HSPA4: variants seen among roughly 807,000 people sequenced by gnomAD.
The protein encoded by HSPA4 is heat shock protein family A (Hsp70) member 4, also known as heat shock 70 kDa protein 4.
Under a neutral mutation model 106.2 loss-of-function variants are expected in HSPA4, and 25 were observed. That is an observed-to-expected ratio of 0.24 (90% CI 0.17 to 0.33). The LOEUF (loss-of-function observed/expected upper bound fraction) is 0.33. HSPA4 is among the 10% of genes least tolerant of loss of function. The probability of loss-of-function intolerance (pLI) is 1.00; values close to 1 mark genes in which losing one functional copy is unlikely to be tolerated. For synonymous variants in HSPA4, 332 were observed against 333.6 expected, an observed-to-expected ratio of 1.00 and a Z score of 0.05; for missense variants, 841 against 996.0, an observed-to-expected ratio of 0.84 and a Z score of 2.10.
intron 1 of HSPA4, among the ~76,000 whole-genome samples, chr5:133,061,113 G>C (rs1423013262): frequency 6.7e-6 from 1 of 149,848 alleles, no homozygotes; most frequent in Admixed American, 6.6e-5. Context: ...GTGCATACAT[G>C]TGTTTTCTTT....
chr5:133,087,829 G>A (rs1481586876), intron 8 of HSPA4, among the ~76,000 whole-genome samples: 1 of 152,006 alleles, frequency 6.6e-6, no homozygotes, highest in African/African-American at 2.4e-5. Flanking sequence ...TTACCATGTT[G>A]GTCAGGCTGG....
At chr5:133,080,025 T>C (rs906780971) in intron 7 of HSPA4, among the ~76,000 whole-genome samples, 12 of 152,250 alleles carry the variant, frequency 7.9e-5, no homozygotes, top group African/African-American at 1.4e-4. Context: ...TCTTTTGGTG[T>C]ATAATATTGC....
At chr5:133,073,151 G>T (rs528042171) in intron 4 of HSPA4, 79 bp from the exon 5 acceptor site, 2 of 783,046 alleles carry the variant, frequency 2.6e-6, no homozygotes, top group Admixed American at 2.4e-5. Context: ...ATTGCTGTAG[G>T]TATTTGATGG....
rs1765722789 is a variant in HSPA4 at position 133,097,166 on chromosome 5, G to A, written c.1809G>A (p.Lys603=). ...TACATAATATTTATTCTCAGGGTAA[G>A]ATGATCATGCAGGATAAACTGGAGA... ...MLNLYIENEG[K]MIMQDKLEKE... The change falls in exon 15 of 19, where the codon AAG becomes AAA. Residue 603 remains lysine, a synonymous_variant. Transcript: ENST00000304858. 3.1e-6 allele frequency: 5 copies of A among 1,609,560 alleles called. No homozygotes were observed. Among genetic ancestry groups the A allele is most frequent in the Non-Finnish European group, 4.3e-6 (5 of 1,176,326 alleles).
At chr5:133,073,194 CTA>C in intron 4 of HSPA4, 34 bp from the exon 5 acceptor site, 2 of 1,321,620 alleles carry the variant, frequency 1.5e-6, no homozygotes, top group Non-Finnish European at 2.1e-6. Context: ...AAATTAGAAT[CTA>C]TAATACAGTA....
In HSPA4 at chr5:133,088,392, C is replaced by A; in HGVS notation, c.986-12C>A. On this transcript the variant is annotated splice_polypyrimidine_tract_variant and intron_variant, in intron 8 of 18. Transcript: ENST00000304858. ...TTTCATTAAAAAAATCTGTCTAATT[C>A]TTTAAAAATAGAGTTAAAGAAAGAA... 6.4e-7 allele frequency: 1 copy of A among 1,562,340 alleles called. No individual in the cohort carries two copies. Among genetic ancestry groups the A allele is most frequent in the Non-Finnish European group, 8.8e-7 (1 of 1,136,916 alleles).
intron 9 of HSPA4, among the ~76,000 whole-genome samples, chr5:133,088,767 C>CT (rs1010895696): frequency 6.6e-6 from 1 of 152,166 alleles, no homozygotes; most frequent in Non-Finnish European, 1.5e-5. Flanking sequence ...ATAGGTAACT[C>CT]TGAGCCTGAA....
intron 16 of HSPA4, chr5:133,101,507 AT>A: frequency 5.6e-6 from 2 of 357,374 alleles, no homozygotes; most frequent in Non-Finnish European, 1.0e-5. Context: ...GAGGCACCTA[AT>A]TTTTGGTGGT....
In HSPA4 at chr5:133,052,038, G is replaced by C; in HGVS notation, c.-213G>C. 2 of 531,218 alleles carry C rather than the reference G, an allele frequency of 3.8e-6. No individual in the cohort carries two copies. Among genetic ancestry groups the C allele is most frequent in the Non-Finnish European group, 6.7e-6 (2 of 299,376 alleles). 32.9% of individuals were successfully genotyped at this position (531,218 alleles called of 1,614,324 possible). A position where few individuals can be genotyped will look rare whatever the true frequency, so the allele number is the denominator to read the frequency against. ...GAGATCTTCTCCGCCCCCGCTACCGGCGCCTCCTCTGCGGCCACTGAGCCG... is the reference window on the plus strand; with the variant it reads ...GAGATCTTCTCCGCCCCCGCTACCGCCGCCTCCTCTGCGGCCACTGAGCCG... On this transcript the variant is annotated 5_prime_UTR_variant, in exon 1 of 19. Coordinates refer to ENST00000304858, the MANE Select transcript of HSPA4 (RefSeq NM_002154.4).
chr5:133,071,438 A>G (rs539524769), intron 4 of HSPA4, among the ~76,000 whole-genome samples: 1 of 152,270 alleles, frequency 6.6e-6, no homozygotes, highest in South Asian at 2.1e-4. Context: ...ACAGACTGAG[A>G]CCCTGTCTCA....
intron 6 of HSPA4, chr5:133,076,199 G>A (rs533200935): frequency 6.3e-6 from 1 of 157,624 alleles, no homozygotes; most frequent in African/African-American, 2.4e-5. Context: ...AGGCTTTAAG[G>A]AATCCTTTGG....
At chr5:133,056,104 GAAAGAAGT>G (rs1462442627) in intron 1 of HSPA4, among the ~76,000 whole-genome samples, 1 of 152,092 alleles carries the variant, frequency 6.6e-6, no homozygotes, top group African/African-American at 2.4e-5. Context: ...AAGGTGCTTT[GAAAGAAGT>G]ACCATCTGAG....
At chr5:133,066,655 A>T (rs1341211617) in intron 2 of HSPA4, among the ~76,000 whole-genome samples, 4 of 146,540 alleles carry the variant, frequency 2.7e-5, no homozygotes, top group African/African-American at 1.0e-4. Flanking sequence ...TTTTGTGTTC[A>T]TTTTTGTGTA....
chr5:133,067,887 TCA>T (rs900727369), intron 3 of HSPA4, among the ~76,000 whole-genome samples: 6 of 150,884 alleles, frequency 4.0e-5, no homozygotes, highest in Non-Finnish European at 8.9e-5. Flanking sequence ...GGCAAAGCAA[TCA>T]CAGTTTTTTT....
At position 133,089,235 on chromosome 5, in the gene HSPA4, T is replaced by C. The variant is rs1463649418; in HGVS notation, c.1244+74T>C. ...GGTCTGAGTAATATGTTGCTTTTCA[T>C]TTCAGTTTACATAAATCTGTAACAT... On this transcript the variant is annotated intron_variant, in intron 10 of 18. Transcript: ENST00000304858. 5 of 826,630 alleles carry C rather than the reference T, an allele frequency of 6.0e-6. No individual in the cohort carries two copies. In the African/African-American group the frequency reaches 6.9e-5, roughly 11 times the overall value. The allele number at this position is 826,630 out of a possible 1,614,324, so 51.2% of individuals were successfully genotyped here.
rs757546536 is a variant in HSPA4, at chr5:133,104,357, C to G, written c.2444C>G (p.Pro815Arg). 1.2e-6 allele frequency: 2 copies of G among 1,614,012 alleles called. No individual in the cohort carries two copies. Among genetic ancestry groups the G allele is most frequent in the African/African-American group, 2.7e-5 (2 of 74,904 alleles). Residue 815 changes from proline (P) to arginine (R), a missense_variant, in exon 19 of 19, where the codon CCC becomes CGC. By Grantham distance (103) the Pro-to-Arg change is moderately radical. Around this residue, in one of 5 missense-constraint regions of HSPA4, gnomAD observed 328 missense variants for 372.2 expected, o/e 0.88. Transcript: ENST00000304858. ...GATGGACAAGGAGACAACCCAGGCC[C>G]CCAGGCTGCTGAGCAGGGTACAGAC... ...PVDGQGDNPG[P>R]QAAEQGTDTA...
intron 9 of HSPA4, 88 bp downstream of exon 9, chr5:133,088,643 C>G (rs1490567033): frequency 1.8e-6 from 2 of 1,105,928 alleles, no homozygotes; most frequent in Non-Finnish European, 2.7e-6. Flanking sequence ...CTGGGATTAG[C>G]TCAGGGTGAC....
intron 7 of HSPA4, among the ~76,000 whole-genome samples, chr5:133,083,895 A>G (rs1241838028): frequency 6.6e-6 from 1 of 152,168 alleles, no homozygotes; most frequent in African/African-American, 2.4e-5. Flanking sequence ...CTTCTTGCAG[A>G]AACTTAAATT....
At chr5:133,080,603 T>C (rs1356502234) in intron 7 of HSPA4, among the ~76,000 whole-genome samples, 2 of 151,938 alleles carry the variant, frequency 1.3e-5, no homozygotes, top group Non-Finnish European at 2.9e-5. Context: ...TATTCTGTTG[T>C]AGTGCTGTGG....
Sources: gnomAD v4.1 joint callset for allele counts (sites outside exome capture counted in the v4.1 genomes callset) on GRCh38, gnomAD v4.1.1 for gene constraint, gnomAD v4.1.1 regional missense constraint, MANE v1.5 for transcripts, NCBI Gene and HGNC (gene_info 2026-07-23, HGNC 2026-07-21) for gene names.